The following TTLL8 variants were observed in gnomAD, a reference collection of about 807,000 sequenced individuals.
TTLL8 encodes the protein tubulin tyrosine ligase like 8.
In TTLL8, 65 loss-of-function variants were observed where a neutral mutation model predicts 77.8. That is an observed-to-expected ratio of 0.84 (90% CI 0.68 to 1.03). TTLL8 has a LOEUF of 1.03. Ranked by LOEUF, TTLL8 falls within the 50% of genes least tolerant of loss-of-function variation. The pLI is 0.00. For missense variants in TTLL8, 910 were observed against 1,004.5 expected (o/e 0.91, Z 1.27); for synonymous variants, 402 against 422.8 (o/e 0.95, Z 0.60).
At chr22:50,030,306 C>T (rs2061277671) in intron 12 of TTLL8, 124 bp downstream of exon 13, 2 of 1,112,994 alleles carry the variant, frequency 1.8e-6, no homozygotes, top group South Asian at 3.8e-5. Context: ...AGGGGACACC[C>T]CGGGCCCCAG....
intron 2 of TTLL8, 87 bp from the exon 5 acceptor site, chr22:50,049,409 CA>C: frequency 7.6e-7 from 1 of 1,321,564 alleles, no homozygotes. Flanking sequence ...GCAGGCAGGA[CA>C]GCGACTTTAC....
intron 12 of TTLL8, among the ~76,000 whole-genome samples, chr22:50,022,318 G>T (rs534530443): frequency 9.2e-5 from 11 of 119,394 alleles, no homozygotes; most frequent in African/African-American, 3.0e-4. Flanking sequence ...ACACTCCTCC[G>T]ACGACGTGCA....
At chr22:50,055,564 C>T (rs767705811), upstream of TTLL8, among the ~76,000 whole-genome samples, 3 of 150,316 alleles carry the variant, frequency 2.0e-5, no homozygotes, top group Non-Finnish European at 3.0e-5. Context: ...CTGAGGCAGG[C>T]GAATCGCTTG....
chr22:50,048,162 A>G (rs963502562), intron 3 of TTLL8, among the ~76,000 whole-genome samples: 41 of 151,200 alleles, frequency 2.7e-4, no homozygotes, highest in African/African-American at 9.7e-4. Context: ...TAGCATACTA[A>G]TCACTAACCA....
chr22:50,049,219 A>G, intron 3 of TTLL8, 30 bp downstream of exon 5: 1 of 1,367,374 alleles, frequency 7.3e-7, no homozygotes, highest in Non-Finnish European at 9.8e-7. Flanking sequence ...GAGAGGCCGC[A>G]GCTGACCATG....
At chr22:50,029,723 T>C (rs1333026100) in intron 12 of TTLL8, among the ~76,000 whole-genome samples, 2 of 151,764 alleles carry the variant, frequency 1.3e-5, no homozygotes. Context: ...AGAGCAAGAC[T>C]CTGTCTCAAA....
upstream of TTLL8, among the ~76,000 whole-genome samples, chr22:50,055,844 G>A (rs1011455170): frequency 2.0e-5 from 3 of 152,188 alleles, no homozygotes; most frequent in Middle Eastern, 3.4e-3. Flanking sequence ...GAACCAGAGC[G>A]ACTCCATCTT....
intron 12 of TTLL8, among the ~76,000 whole-genome samples, chr22:50,022,871 T>C (rs1043339569): frequency 2.0e-5 from 3 of 152,232 alleles, no homozygotes; most frequent in African/African-American, 7.2e-5. Flanking sequence ...AAGAGGTGAA[T>C]TTACCAACAA....
intron 8 of TTLL8, among the ~76,000 whole-genome samples, chr22:50,038,105 C>T (rs1445287355): frequency 6.6e-6 from 1 of 152,006 alleles, no homozygotes; most frequent in Non-Finnish European, 1.5e-5. Context: ...AGATTTATTT[C>T]TAGAGGTTTG....
intron 12 of TTLL8, among the ~76,000 whole-genome samples, chr22:50,021,402 A>ACGG (rs1311346350): frequency 7.1e-6 from 1 of 140,754 alleles, no homozygotes. Flanking sequence ...CCTCCATCTG[A>ACGG]TGTGCACTCC....
chr22:50,046,589 A>G (rs531311558), intron 4 of TTLL8, among the ~76,000 whole-genome samples: 1 of 152,346 alleles, frequency 6.6e-6, no homozygotes, highest in East Asian at 1.9e-4. Context: ...CTGGGGTATT[A>G]GGTGCGGAAG....
Position 50,041,466 on chromosome 22 carries a change from C to T in TTLL8, c.830+155G>A, listed in dbSNP as rs1440968166. 6.4e-5 allele frequency: 62 copies of T among 967,058 alleles called. No individual in the cohort carries two copies. Among genetic ancestry groups the T allele is most frequent in the Non-Finnish European group, 7.5e-5 (61 of 813,486 alleles). 59.9% of individuals were successfully genotyped at this position (967,058 alleles called of 1,614,324 possible). On this transcript the variant is annotated intron_variant, in intron 7 of 13. Coordinates refer to ENST00000266182, the Ensembl canonical transcript of TTLL8. This position sits in a 1 kb window ranked among gnomAD's most constrained non-coding sequence, Gnocchi z 4.3. ...GCATCCCAGACATCCAGACAGGAGCCCCAACGCCAGGACAGGCATCTCAAC... is the reference window on the plus strand; with the variant it reads ...GCATCCCAGACATCCAGACAGGAGCTCCAACGCCAGGACAGGCATCTCAAC...
Position 50,051,559 on chromosome 22 carries a change from C to T in TTLL8, c.52-1312G>A, listed in dbSNP as rs186054441. Among the ~76,000 whole-genome samples, 78 of 152,242 alleles carry T rather than the reference C, an allele frequency of 5.1e-4. No individual in the cohort carries two copies. In the East Asian group the frequency reaches 0.014, roughly 27 times the overall value. On this transcript the variant is annotated intron_variant, in intron 1 of 13. Transcript: ENST00000266182. ...TCATCTGGGTAGATGCCCAGGAGTACGGTTGCTGGATCAAATGGTAGATCT... is the reference window on the plus strand; with the variant it reads ...TCATCTGGGTAGATGCCCAGGAGTATGGTTGCTGGATCAAATGGTAGATCT...
At chr22:50,058,025 G>C (rs940062726), upstream of TTLL8, among the ~76,000 whole-genome samples, 1 of 151,256 alleles carries the variant, frequency 6.6e-6, no homozygotes, top group Non-Finnish European at 1.5e-5. This position sits in a 1 kb window ranked among gnomAD's most constrained non-coding sequence, Gnocchi z 4.2. Flanking sequence ...GGGCGGGGAG[G>C]GGGTAGGCCT....
intron 12 of TTLL8, chr22:50,027,618 G>C: frequency 1.0e-6 from 1 of 985,156 alleles, no homozygotes; most frequent in Non-Finnish European, 1.2e-6. Flanking sequence ...GCAGTTTGCT[G>C]TTCTTAAGCC....
At chr22:50,045,124 T>A (rs148376900) in intron 6 of TTLL8, 131 bp downstream of exon 8, 1 of 1,037,008 alleles carries the variant, frequency 9.6e-7, no homozygotes, top group African/African-American at 1.7e-5. Flanking sequence ...ATCGAGAGAG[T>A]CTGAGGCATC....
rs769520677 is a variant in TTLL8, at chr22:50,030,388, C to T, written c.2203+42G>A. 9.5e-6 allele frequency: 12 copies of T among 1,264,652 alleles called. No individual in the cohort carries two copies. The Admixed American group carries it at 9.9e-5, about 10-fold the overall frequency. 78.3% of individuals were successfully genotyped at this position (1,264,652 alleles called of 1,614,324 possible). A position where few individuals can be genotyped will look rare whatever the true frequency, so the allele number is the denominator to read the frequency against. On this transcript the variant is annotated intron_variant, in intron 12 of 13. Coordinates refer to ENST00000266182, the Ensembl canonical transcript of TTLL8. The stretch of plus-strand genomic sequence containing the variant: ...TGGCGAGGGTTGGGGATGCAGCAGG[C>T]GGCCCCCAAGCCCACAGCGCACCGC...
Position 50,041,719 on chromosome 22 carries a change from C to A in TTLL8, c.732G>T (p.Gln244His), listed in dbSNP as rs767934888. The A allele has an allele frequency of 7.3e-7, 1 of 1,366,666 alleles. No homozygotes were observed. Among genetic ancestry groups the A allele is most frequent in the East Asian group, 4.5e-5 (1 of 21,982 alleles). The allele number at this position is 1,366,666 out of a possible 1,614,324, so 84.7% of individuals were successfully genotyped here. ...ACGTGTCGATGTCCTCATGCTCCAG[C>A]TGCCCCAGGTAGGCCTGGCACACCT... Residue 244 changes from glutamine to histidine, a missense_variant, in exon 7 of 14, where the codon CAG becomes CAT. Physicochemically the swap from Gln to His is conservative, Grantham distance 24. Around this residue, in one of 2 missense-constraint regions of TTLL8, gnomAD observed 776 missense variants for 926.1 expected, o/e 0.84. Coordinates refer to ENST00000266182, the Ensembl canonical transcript of TTLL8. The surrounding 1 kb of genome is among the most constrained non-coding windows in gnomAD (Gnocchi z 4.3).
At position 50,031,994 on chromosome 22, in the gene TTLL8, G is replaced by A. The variant is rs372215363; in HGVS notation, c.1399C>T (p.Gln467Ter). 6.6e-6 allele frequency: 9 copies of A among 1,366,532 alleles called. No homozygotes were observed. The highest frequency in any genetic ancestry group is 8.8e-6 in the Non-Finnish European group (9 of 1,021,866). 84.7% of individuals were successfully genotyped at this position (1,366,532 alleles called of 1,614,324 possible). A position where few individuals can be genotyped will look rare whatever the true frequency, so the allele number is the denominator to read the frequency against. The change falls in exon 11 of 14, where the codon CAG (glutamine) becomes TAG (stop). Residue 467 changes from glutamine to a stop codon, truncating the protein, a stop_gained. Transcript: ENST00000266182. LOFTEE classifies it high-confidence loss of function. ...CACACGGCGCCACGGCCCTGGCGCT[G>A]CAGGTACTCCTGGAACCTGGTGCTG...
Sources: gnomAD v4.1 joint callset for allele counts (sites outside exome capture counted in the v4.1 genomes callset) on GRCh38, gnomAD v4.1.1 for gene constraint, gnomAD v4.1.1 regional missense constraint, Gnocchi (gnomAD v3.1) non-coding constraint, MANE v1.5 for transcripts, NCBI Gene and HGNC (gene_info 2026-07-23, HGNC 2026-07-21) for gene names.